THSD4: variants seen among roughly 807,000 people sequenced by gnomAD.
THSD4 encodes thrombospondin type 1 domain containing 4, also known as thrombospondin type-1 domain-containing protein 4.
THSD4 carries 69 observed loss-of-function variants against 119.0 expected under a neutral mutation model. That is an observed-to-expected ratio of 0.58 (90% CI 0.48 to 0.71). THSD4 has a LOEUF of 0.71. Ranked by LOEUF, THSD4 falls within the 30% of genes least tolerant of loss-of-function variation. The probability of loss-of-function intolerance (pLI) is 0.00; values close to 1 mark genes in which losing one functional copy is unlikely to be tolerated. For missense variants in THSD4, 1,393 were observed against 1,391.1 expected (o/e 1.00, Z -0.02); for synonymous variants, 524 against 540.4 (o/e 0.97, Z 0.42).
At chr15:71,169,765 T>G (rs2043336016) in intron 3 of THSD4, among the ~76,000 whole-genome samples, 1 of 152,100 alleles carries the variant, frequency 6.6e-6, no homozygotes, top group Non-Finnish European at 1.5e-5. Context: ...ATAAATGAAT[T>G]GAGTCATAAA....
intron 7 of THSD4, among the ~76,000 whole-genome samples, chr15:71,550,585 T>C (rs2048912465): frequency 6.6e-6 from 1 of 152,162 alleles, no homozygotes; most frequent in African/African-American, 2.4e-5. Flanking sequence ...TACAGGTGCC[T>C]GCCGCCACGC....
At chr15:71,441,420 A>G (rs1418279947) in intron 7 of THSD4, among the ~76,000 whole-genome samples, 8 of 16,138 alleles carry the variant, frequency 5.0e-4, no homozygotes, top group East Asian at 1.7e-3. Flanking sequence ...TTTTTTTTTG[A>G]GATGGAGTCT....
At chr15:71,695,532 G>T (rs1320081237) in intron 8 of THSD4, among the ~76,000 whole-genome samples, 6 of 151,396 alleles carry the variant, frequency 4.0e-5, no homozygotes, top group African/African-American at 1.5e-4. Flanking sequence ...GTGTGTGTGT[G>T]TTACAGCCCA....
intron 8 of THSD4, among the ~76,000 whole-genome samples, chr15:71,666,743 A>G (rs7168193): frequency 0.29 from 44,027 of 152,154 alleles, 7,145 homozygotes; most frequent in East Asian, 0.74. Context: ...AACTAAATAG[A>G]AAACGGAGGC....
intron 6 of THSD4, among the ~76,000 whole-genome samples, chr15:71,306,307 CAAAAAAAAAAAAAAAAAAAA>C (rs67260180): frequency 6.4e-5 from 4 of 62,936 alleles, no homozygotes; most frequent in South Asian, 8.3e-4. Context: ...ACTCTTGCCT[CAAAAAAAAAAAAAAAAAAAA>C]AAAAAAAAAA....
chr15:71,627,726 G>C (rs7167775), intron 7 of THSD4, among the ~76,000 whole-genome samples: 1 of 151,946 alleles, frequency 6.6e-6, no homozygotes, highest in Non-Finnish European at 1.5e-5. Context: ...AATAGGGCAG[G>C]GGAGAGGAAG....
At chr15:71,633,006 AC>A (rs1265025317) in intron 7 of THSD4, among the ~76,000 whole-genome samples, 1 of 152,180 alleles carries the variant, frequency 6.6e-6, no homozygotes, top group Non-Finnish European at 1.5e-5. Context: ...TTGGCAGCTT[AC>A]CCGACAGCTT....
intron 4 of THSD4, among the ~76,000 whole-genome samples, chr15:71,221,715 T>C (rs1164438831): frequency 6.6e-6 from 1 of 152,214 alleles, no homozygotes; most frequent in Non-Finnish European, 1.5e-5. Context: ...ATTTTAGGAA[T>C]TGTGAATAAC....
At chr15:71,775,906 A>G (rs527689874) in intron 17 of THSD4, among the ~76,000 whole-genome samples, 33 of 152,294 alleles carry the variant, frequency 2.2e-4, no homozygotes, top group African/African-American at 7.5e-4. Flanking sequence ...TACACATATA[A>G]AGGATGTGTG....
chr15:71,276,387 G>C (rs543565833), intron 6 of THSD4, among the ~76,000 whole-genome samples: 1 of 152,262 alleles, frequency 6.6e-6, no homozygotes, highest in South Asian at 2.1e-4. Context: ...GTGCTTTGGG[G>C]CTTGCTGTTT....
chr15:71,737,851 G>T lies in THSD4; in HGVS notation c.1750G>T (p.Glu584Ter). The part of the protein sequence containing the change: ...RGEAPEMFTS[E>*]SAQTFPVRHP... The stretch of plus-strand genomic sequence containing the variant: ...GGAGGCCCCTGAGATGTTCACCTCA[G>T]AATCGGCACAGACCTTCCCAGTCAG... Residue 584 changes from glutamate to a stop codon, truncating the protein, a stop_gained, in exon 11 of 18, where the codon GAA becomes TAA. Coordinates refer to ENST00000261862, the MANE Select transcript of THSD4 (RefSeq NM_024817.3). LOFTEE classifies it high-confidence loss of function. 6.2e-7 allele frequency: 1 copy of T among 1,614,244 alleles called. No individual in the cohort carries two copies. The highest frequency in any genetic ancestry group is 1.1e-5 in the South Asian group (1 of 91,090).
At chr15:71,748,305 C>T in intron 13 of THSD4, 116 bp from the exon 14 acceptor site, 1 of 1,282,312 alleles carries the variant, frequency 7.8e-7, no homozygotes, top group Non-Finnish European at 1.1e-6. Flanking sequence ...TGGTGACATG[C>T]ATGACAGAGC....
chr15:71,309,192 C>T (rs565128784), intron 6 of THSD4, among the ~76,000 whole-genome samples: 10 of 152,282 alleles, frequency 6.6e-5, no homozygotes, highest in African/African-American at 2.2e-4. Context: ...TCAGGCAATC[C>T]GCCTGTCTCA....
At chr15:71,770,476 G>A (rs984137848) in intron 16 of THSD4, among the ~76,000 whole-genome samples, 20 of 151,556 alleles carry the variant, frequency 1.3e-4, no homozygotes, top group Non-Finnish European at 1.0e-4. Flanking sequence ...GCAACATGGC[G>A]AAACCCCGTC....
chr15:71,196,933 A>G (rs1402950986), intron 3 of THSD4, among the ~76,000 whole-genome samples: 1 of 152,114 alleles, frequency 6.6e-6, no homozygotes, highest in Non-Finnish European at 1.5e-5. Flanking sequence ...CATTTCAGGG[A>G]AGTCAAAGCT....
At position 71,256,606 on chromosome 15, in the gene THSD4, T is replaced by G; in HGVS notation, c.913-7T>G. 6.2e-7 allele frequency: 1 copy of G among 1,612,958 alleles called. No individual in the cohort carries two copies. The highest frequency in any genetic ancestry group is 8.5e-7 in the Non-Finnish European group (1 of 1,179,292). Reference sequence around the variant, plus strand: ...ACTAATTGCATATTTAATATCTGCTTTATTAGGTATGTCCAGAAAGCAGTA... The same window carrying G: ...ACTAATTGCATATTTAATATCTGCTGTATTAGGTATGTCCAGAAAGCAGTA... On this transcript the variant is annotated splice_polypyrimidine_tract_variant and splice_region_variant and intron_variant, in intron 5 of 17. Transcript: ENST00000261862.
chr15:71,241,044 T>C (rs2044148702), intron 4 of THSD4, among the ~76,000 whole-genome samples: 1 of 152,216 alleles, frequency 6.6e-6, no homozygotes, highest in African/African-American at 2.4e-5. Context: ...TTAAATTTTA[T>C]GTTCAGTAAT....
intron 6 of THSD4, among the ~76,000 whole-genome samples, chr15:71,268,871 G>A (rs557420933): frequency 1.1e-4 from 17 of 152,188 alleles, no homozygotes; most frequent in African/African-American, 2.6e-4. Context: ...AGAAGAAATG[G>A]ATAAATTCCT....
intron 6 of THSD4, among the ~76,000 whole-genome samples, chr15:71,298,698 T>C (rs1247379864): frequency 6.7e-6 from 1 of 150,272 alleles, no homozygotes; most frequent in African/African-American, 2.4e-5. Context: ...CTGCAATCTC[T>C]GCCTCCTGGG....
Sources: allele counts gnomAD v4.1 joint callset (sites outside exome capture counted in the v4.1 genomes callset), GRCh38; gene constraint gnomAD v4.1.1; transcripts MANE v1.5; gene names NCBI Gene and HGNC (gene_info 2026-07-23, HGNC 2026-07-21).